Variants in ZDHHC15 observed in about 807,000 individuals in gnomAD.
ZDHHC15 encodes palmitoyltransferase ZDHHC15.
ZDHHC15 carries 19 observed loss-of-function variants against 31.7 expected under a neutral mutation model. The observed-to-expected ratio is 0.60, with a 90% CI of 0.42 to 0.88. The LOEUF (loss-of-function observed/expected upper bound fraction) is 0.88. Ranked by LOEUF, ZDHHC15 falls within the 40% of genes least tolerant of loss-of-function variation. The probability of loss-of-function intolerance (pLI) is 0.00; values close to 1 mark genes in which losing one functional copy is unlikely to be tolerated. For synonymous variants in ZDHHC15, 103 were observed against 90.0 expected, an observed-to-expected ratio of 1.14 and a Z score of -0.82; for missense variants, 209 against 251.2, an observed-to-expected ratio of 0.83 and a Z score of 1.14.
chrX:75,421,813 G>A (rs768560108), intron 9 of ZDHHC15, 51 bp downstream of exon 9: 2 of 1,177,413 alleles, frequency 1.7e-6, no homozygotes, highest in Admixed American at 4.7e-5. Flanking sequence ...GAATTTGCTG[G>A]TTCAAGGCAG....
At chrX:75,493,621 G>C (rs779648128) in intron 2 of ZDHHC15, among the ~76,000 whole-genome samples, 27 of 111,925 alleles carry the variant, frequency 2.4e-4, no homozygotes, top group African/African-American at 7.8e-4. Flanking sequence ...TGCAAGCCTG[G>C]TTCAACATAC....
chrX:75,488,593 T>C (rs1001808307), intron 2 of ZDHHC15, among the ~76,000 whole-genome samples: 1 of 112,192 alleles, frequency 8.9e-6, no homozygotes, highest in Non-Finnish European at 1.9e-5. Context: ...CCACAGGACA[T>C]ATTAAAAAAT....
intron 10 of ZDHHC15, among the ~76,000 whole-genome samples, chrX:75,394,752 A>T (rs919698291): frequency 8.9e-5 from 10 of 111,955 alleles, no homozygotes; most frequent in Non-Finnish European, 1.9e-4. Context: ...TAACAGAGAA[A>T]GACTCCAAAA....
rs182969924 is a variant in ZDHHC15 at position 75,502,970 on chromosome X, T to A, written c.163+2851A>T. ...AACAGTCAATATTTTACTGTATATT[T>A]AAAAATAACTAAATGGTATAACTGG... On this transcript the variant is annotated intron_variant, in intron 2 of 11. Coordinates refer to ENST00000373367, the MANE Select transcript of ZDHHC15 (RefSeq NM_144969.3). Among the ~76,000 whole-genome samples the A allele has an allele frequency of 7.1e-4, 79 of 110,596 alleles. No individual in the cohort carries two copies. In the East Asian group the frequency reaches 0.021, roughly 29 times the overall value.
chrX:75,436,758 T>C (rs2083856715), intron 4 of ZDHHC15, among the ~76,000 whole-genome samples: 1 of 112,998 alleles, frequency 8.8e-6, no homozygotes, highest in Admixed American at 9.3e-5. Context: ...GCCTATCATA[T>C]GGTCTATCTT....
At chrX:75,489,545 G>A (rs977341130) in intron 2 of ZDHHC15, among the ~76,000 whole-genome samples, 12 of 111,919 alleles carry the variant, frequency 1.1e-4, no homozygotes, top group Non-Finnish European at 1.9e-5. Context: ...CTGTTAGAAG[G>A]AAAACTAACA....
At chrX:75,514,329 A>T (rs2085322875) in intron 1 of ZDHHC15, among the ~76,000 whole-genome samples, 1 of 112,517 alleles carries the variant, frequency 8.9e-6, no homozygotes, top group Non-Finnish European at 1.9e-5. Flanking sequence ...ATGTATAAAG[A>T]TGTAATTTGT....
chrX:75,438,925 G>A (rs1051095084), intron 4 of ZDHHC15, among the ~76,000 whole-genome samples: 4 of 110,885 alleles, frequency 3.6e-5, no homozygotes, highest in East Asian at 2.8e-4. Flanking sequence ...GTTTTCTTTC[G>A]CTGGATACAA....
chrX:75,481,122 T>A (rs1301841999), intron 2 of ZDHHC15, among the ~76,000 whole-genome samples: 1 of 111,326 alleles, frequency 9.0e-6, no homozygotes, highest in East Asian at 2.8e-4. Flanking sequence ...TAATGTGTTA[T>A]CTTTTGCAAT....
At chrX:75,493,799 A>G (rs760051654) in intron 2 of ZDHHC15, among the ~76,000 whole-genome samples, 1 of 111,858 alleles carries the variant, frequency 8.9e-6, no homozygotes, top group East Asian at 2.8e-4. Flanking sequence ...AATAAGAGCT[A>G]TCTATGACAA....
chrX:75,404,770 C>T (rs2083393344), intron 10 of ZDHHC15, among the ~76,000 whole-genome samples: 1 of 112,104 alleles, frequency 8.9e-6, no homozygotes, highest in Non-Finnish European at 1.9e-5. Context: ...CCCTTATACA[C>T]TGCTGGTGGG....
Position 75,369,738 on chromosome X carries a change from C to A in ZDHHC15, c.*3240G>T, listed in dbSNP as rs914667695. The stretch of plus-strand genomic sequence containing the variant: ...TATCACATAGAAAGTAAGAGTTGTA[C>A]AAATTGCATACTTTTCAGATTTTTG... On this transcript the variant is annotated 3_prime_UTR_variant, in exon 12 of 12. Transcript: ENST00000373367. 1 of 111,666 alleles carries A rather than the reference C, an allele frequency of 9.0e-6. No homozygotes were observed. The highest frequency in any genetic ancestry group is 1.9e-5 in the Non-Finnish European group (1 of 53,175). The allele number at this position is 111,666 out of a possible 1,213,427, so 9.2% of individuals were successfully genotyped here.
intron 10 of ZDHHC15, among the ~76,000 whole-genome samples, chrX:75,392,119 T>C (rs1435281083): frequency 8.9e-6 from 1 of 112,131 alleles, no homozygotes; most frequent in Non-Finnish European, 1.9e-5. Context: ...AATATATCTA[T>C]AGGGGAATTT....
chrX:75,476,502 C>CTTCATATTATTTTCTTATAATTCAAT (rs2084607371), intron 3 of ZDHHC15, among the ~76,000 whole-genome samples: 1 of 110,819 alleles, frequency 9.0e-6, no homozygotes, highest in Non-Finnish European at 1.9e-5. Context: ...GCACACAATT[C>CTTCATATTATTTTCTTATAATTCAAT]TTCATATTAT....
chrX:75,387,856 A>ACCTC (rs2083196800), intron 10 of ZDHHC15, among the ~76,000 whole-genome samples: 1 of 112,344 alleles, frequency 8.9e-6, no homozygotes, highest in Admixed American at 9.4e-5. Context: ...AAAGGCACAT[A>ACCTC]ATAGTCAAAC....
chrX:75,421,391 T>TA (rs1222632980), intron 9 of ZDHHC15, among the ~76,000 whole-genome samples: 1 of 1,888 alleles, frequency 5.3e-4, no homozygotes, highest in Non-Finnish European at 2.9e-3. Flanking sequence ...TGTGTGTATA[T>TA]ATATATATTA....
intron 10 of ZDHHC15, among the ~76,000 whole-genome samples, chrX:75,406,709 CA>C (rs34310729): frequency 0.24 from 16,970 of 71,054 alleles, 1,828 homozygotes; most frequent in East Asian, 0.83. Context: ...AGTCTTCCAT[CA>C]AAAAAAAAAA....
chrX:75,395,325 A>C (rs1490968513), intron 10 of ZDHHC15, among the ~76,000 whole-genome samples: 1 of 112,022 alleles, frequency 8.9e-6, no homozygotes, highest in Non-Finnish European at 1.9e-5. Flanking sequence ...CCACAAAAAA[A>C]ACATTAGATC....
chrX:75,488,871 GC>G (rs2084821190), intron 2 of ZDHHC15, among the ~76,000 whole-genome samples: 2 of 112,109 alleles, frequency 1.8e-5, no homozygotes, highest in Non-Finnish European at 3.8e-5. Context: ...ACTGATGACG[GC>G]ACCTGGAAAA....
Sources: gnomAD v4.1 joint callset for allele counts (sites outside exome capture counted in the v4.1 genomes callset) on GRCh38, gnomAD v4.1.1 for gene constraint, MANE v1.5 for transcripts, NCBI Gene and HGNC (gene_info 2026-07-23, HGNC 2026-07-21) for gene names.